The following SPAG16 variants were observed in gnomAD, a reference collection of about 807,000 sequenced individuals.
SPAG16 encodes the protein sperm-associated antigen 16 protein.
Under a neutral mutation model 80.4 loss-of-function variants are expected in SPAG16, and 86 were observed. The ratio of observed to expected loss-of-function variants is 1.07; its 90% confidence interval spans 0.90 to 1.28. The LOEUF (loss-of-function observed/expected upper bound fraction) is 1.28, where lower values mean the gene tolerates loss of function less well. SPAG16 is among the 50% of genes most tolerant of loss of function. The pLI, the probability that SPAG16 is intolerant of heterozygous loss-of-function variation, is 0.00. For synonymous variants in SPAG16, 294 were observed against 265.9 expected (o/e 1.11, Z -1.03); for missense variants, 870 against 765.3 (o/e 1.14, Z -1.61).
chr2:213,739,624 C>T (rs571182607), intron 10 of SPAG16, among the ~76,000 whole-genome samples: 26 of 152,236 alleles, frequency 1.7e-4, no homozygotes, highest in African/African-American at 3.4e-4. Flanking sequence ...CCTCCTGAGA[C>T]GGAGTCTTGC....
At chr2:214,042,067 G>C (rs1455320232) in intron 13 of SPAG16, among the ~76,000 whole-genome samples, 4 of 144,146 alleles carry the variant, frequency 2.8e-5, no homozygotes, top group Non-Finnish European at 4.5e-5. Context: ...CTATCAGCTG[G>C]AAGTTTTCTT....
intron 9 of SPAG16, among the ~76,000 whole-genome samples, chr2:213,415,011 A>ATTAT (rs2069172043): frequency 6.6e-6 from 1 of 152,258 alleles, no homozygotes. Context: ...TACCAGAAGA[A>ATTAT]CAATATGGGA....
Position 214,389,661 on chromosome 2 carries a change from C to T in SPAG16, c.1721-20479C>T, listed in dbSNP as rs751171887. ...AAGAGAACAAGCTTAATAGAGATGC[C>T]ACTATTGACAATAACTTGCTTATGT... On this transcript the variant is annotated intron_variant, in intron 15 of 15. Transcript: ENST00000331683. Among the ~76,000 whole-genome samples the T allele has an allele frequency of 3.3e-5, 5 of 152,154 alleles. 1 individual carries two copies. Among genetic ancestry groups the T allele is most frequent in the Non-Finnish European group, 7.4e-5 (5 of 68,026 alleles).
intron 10 of SPAG16, among the ~76,000 whole-genome samples, chr2:213,737,190 GA>G (rs1020288479): frequency 6.6e-6 from 1 of 152,014 alleles, no homozygotes; most frequent in African/African-American, 2.4e-5. Context: ...TAACTTTCTA[GA>G]AAAAATTATG....
chr2:214,380,231 T>G (rs1700369670), intron 15 of SPAG16, among the ~76,000 whole-genome samples: 1 of 152,248 alleles, frequency 6.6e-6, no homozygotes. Flanking sequence ...TCACTATTGT[T>G]GTTCACGGGG....
At chr2:214,282,710 T>C (rs1284016894) in intron 15 of SPAG16, among the ~76,000 whole-genome samples, 1 of 152,144 alleles carries the variant, frequency 6.6e-6, no homozygotes, top group African/African-American at 2.4e-5. Flanking sequence ...GTAATATATC[T>C]CCTCAATATA....
rs1356642254 is a variant in SPAG16 at position 214,203,338 on chromosome 2, C to T, written c.1720+54072C>T. Among the ~76,000 whole-genome samples the T allele has an allele frequency of 2.0e-5, 3 of 152,074 alleles. No individual in the cohort carries two copies. In the East Asian group the frequency reaches 5.8e-4, roughly 29 times the overall value. On this transcript the variant is annotated intron_variant, in intron 15 of 15. Transcript: ENST00000331683. ...AGGAGGCAGGACTAACTTTCAGCTC[C>T]CACTCCAGTGGATAGAGCAGCATGT...
intron 15 of SPAG16, among the ~76,000 whole-genome samples, chr2:214,195,323 A>AGATAGATAGATAGATAGAT: frequency 6.6e-6 from 1 of 151,922 alleles, no homozygotes. Context: ...ATAGATAGAT[A>AGATAGATAGATAGATAGAT]GATAGATAGA....
chr2:213,912,251 A>G (rs1181478680), intron 11 of SPAG16, among the ~76,000 whole-genome samples: 1 of 152,200 alleles, frequency 6.6e-6, no homozygotes, highest in African/African-American at 2.4e-5. Flanking sequence ...ATCAATATAC[A>G]TTTATAAATG....
At position 214,279,979 on chromosome 2, in the gene SPAG16, G is replaced by C. The variant is rs149095242; in HGVS notation, c.1721-130161G>C. On this transcript the variant is annotated intron_variant, in intron 15 of 15. Coordinates refer to ENST00000331683, the MANE Select transcript of SPAG16 (RefSeq NM_024532.5). ...AAAACTAAGGAATGATGCTAAAGCA[G>C]TTCTTAGGAATTTACAGCACTATAT... Among the ~76,000 whole-genome samples, 59 of 152,320 alleles carry C rather than the reference G, an allele frequency of 3.9e-4. No individual in the cohort carries two copies. In the East Asian group the frequency reaches 0.011, roughly 28 times the overall value.
intron 11 of SPAG16, among the ~76,000 whole-genome samples, chr2:213,863,125 A>T (rs1044703196): frequency 6.6e-6 from 1 of 151,750 alleles, no homozygotes; most frequent in Admixed American, 6.5e-5. Context: ...AAATTCACTG[A>T]ACCTAAATTC....
At chr2:213,435,432 A>G (rs2070565282) in intron 9 of SPAG16, among the ~76,000 whole-genome samples, 2 of 152,186 alleles carry the variant, frequency 1.3e-5, no homozygotes, top group Non-Finnish European at 2.9e-5. Flanking sequence ...CTTAATGGGT[A>G]CAATGTACAT....
rs755793715 is a variant in SPAG16 at position 213,986,701 on chromosome 2, G to C, written c.1401-27250G>C. Among the ~76,000 whole-genome samples, 67 of 151,506 alleles carry C rather than the reference G, an allele frequency of 4.4e-4. 1 individual carries two copies. Among genetic ancestry groups the C allele is most frequent in the Non-Finnish European group, 8.6e-4 (58 of 67,814 alleles). ...ACAGCTATTTTCATATCGTACTTTC[G>C]TATTTCCTTAGGAGACATAATAGGT... On this transcript the variant is annotated intron_variant, in intron 12 of 15. Coordinates refer to ENST00000331683, the MANE Select transcript of SPAG16 (RefSeq NM_024532.5).
chr2:214,335,172 C>A (rs1163118024), intron 15 of SPAG16, among the ~76,000 whole-genome samples: 2 of 152,064 alleles, frequency 1.3e-5, no homozygotes, highest in Non-Finnish European at 1.5e-5. Context: ...GTCCTGTACC[C>A]TCATATGAAC....
chr2:213,336,771 G>C lies in SPAG16; in HGVS notation c.537-3392G>C, dbSNP rs577711742. 6.6e-5 allele frequency among the ~76,000 whole-genome samples: 10 copies of C among 152,288 alleles called. No homozygotes were observed. The East Asian group carries it at 1.9e-3, about 29-fold the overall frequency. ...AGGAGCCACTAGGAGGGGCAGCTAC[G>C]GTATCATGGATCAGTGGTCTTTGTC... On this transcript the variant is annotated intron_variant, in intron 5 of 15. Transcript: ENST00000331683.
chr2:213,954,900 T>C (rs140268098), intron 12 of SPAG16, among the ~76,000 whole-genome samples: 1 of 152,320 alleles, frequency 6.6e-6, no homozygotes, highest in East Asian at 1.9e-4. Flanking sequence ...TTAATTTGCA[T>C]TTTCCTGATA....
At chr2:213,640,602 C>G (rs2062549264) in intron 10 of SPAG16, among the ~76,000 whole-genome samples, 2 of 152,178 alleles carry the variant, frequency 1.3e-5, no homozygotes, top group African/African-American at 4.8e-5. Flanking sequence ...TGTGATCTGT[C>G]TTCAGATCTC....
chr2:213,832,468 C>T (rs954620668), intron 10 of SPAG16, among the ~76,000 whole-genome samples: 1 of 152,110 alleles, frequency 6.6e-6, no homozygotes, highest in Non-Finnish European at 1.5e-5. Context: ...TGACAAAAAC[C>T]TGAATTCCTC....
At chr2:213,329,343 A>C (rs1305081380) in intron 5 of SPAG16, among the ~76,000 whole-genome samples, 1 of 152,218 alleles carries the variant, frequency 6.6e-6, no homozygotes, top group Non-Finnish European at 1.5e-5. Flanking sequence ...CAAAGTGCTG[A>C]TAATGATATG....
Sources: gnomAD v4.1 joint callset for allele counts (sites outside exome capture counted in the v4.1 genomes callset) on GRCh38, gnomAD v4.1.1 for gene constraint, MANE v1.5 for transcripts, NCBI Gene and HGNC (gene_info 2026-07-23, HGNC 2026-07-21) for gene names.